Variants in TTC28 observed in about 807,000 individuals in gnomAD.
The protein encoded by TTC28 is tetratricopeptide repeat domain 28, also known as tetratricopeptide repeat protein 28.
A neutral mutation model predicts 198.0 loss-of-function variants in TTC28; 61 were observed. That is an observed-to-expected ratio of 0.31 (90% confidence interval 0.25 to 0.38). The LOEUF (loss-of-function observed/expected upper bound fraction) is 0.38, where lower values mean the gene tolerates loss of function less well. Ranked by LOEUF, TTC28 falls within the 10% of genes least tolerant of loss-of-function variation. TTC28 has a pLI of 1.00. For missense variants in TTC28, 2,678 were observed against 3,164.0 expected, an observed-to-expected ratio of 0.85 and a Z score of 3.69; for synonymous variants, 1,171 against 1,297.8, an observed-to-expected ratio of 0.90 and a Z score of 2.10.
intron 2 of TTC28, among the ~76,000 whole-genome samples, chr22:28,469,694 G>C (rs960999368): frequency 6.6e-6 from 1 of 152,102 alleles, no homozygotes; most frequent in Admixed American, 6.5e-5. Context: ...GAAAAGGCAA[G>C]GAAACACATT....
chr22:28,099,680 T>G (rs115128127), intron 9 of TTC28, among the ~76,000 whole-genome samples: 1 of 152,184 alleles, frequency 6.6e-6, no homozygotes, highest in Non-Finnish European at 1.5e-5. Flanking sequence ...TTAAAGATAT[T>G]AAAACAGATA....
At chr22:28,477,146 G>A (rs1035142808) in intron 2 of TTC28, among the ~76,000 whole-genome samples, 1 of 152,156 alleles carries the variant, frequency 6.6e-6, no homozygotes, top group Non-Finnish European at 1.5e-5. Flanking sequence ...GGGACATGAA[G>A]GCACTTTATA....
intron 5 of TTC28, among the ~76,000 whole-genome samples, chr22:28,239,051 C>A (rs941813364): frequency 1.3e-5 from 2 of 152,160 alleles, no homozygotes; most frequent in Non-Finnish European, 2.9e-5. Flanking sequence ...TATTTCCCTT[C>A]TGTCAGGGAT....
In TTC28 at chr22:28,033,889, G is replaced by A. The variant is rs117395013; in HGVS notation, c.3933-3523C>T. On this transcript the variant is annotated intron_variant, in intron 12 of 22. Transcript: ENST00000397906. ...GATTACTCAAAGGAGGAACACTTCCGCCCTAAGAAGCTGCTAGATATGCAC... is the reference window on the plus strand; with the variant it reads ...GATTACTCAAAGGAGGAACACTTCCACCCTAAGAAGCTGCTAGATATGCAC... Among the ~76,000 whole-genome samples, 323 of 152,156 alleles carry A rather than the reference G, an allele frequency of 2.1e-3. 1 individual carries two copies. Among genetic ancestry groups the A allele is most frequent in the Admixed American group, 4.3e-3 (66 of 15,286 alleles).
chr22:28,439,966 G>C (rs1276953093), intron 2 of TTC28, among the ~76,000 whole-genome samples: 1 of 152,110 alleles, frequency 6.6e-6, no homozygotes, highest in East Asian at 1.9e-4. Flanking sequence ...CTCCTGAGTA[G>C]CTGGGATTAC....
intron 2 of TTC28, among the ~76,000 whole-genome samples, chr22:28,558,129 T>C (rs1004547783): frequency 1.3e-5 from 2 of 152,236 alleles, no homozygotes; most frequent in South Asian, 4.1e-4. Context: ...GAAAGGTTCC[T>C]ATAACCTAAC....
chr22:28,441,248 C>T (rs1601402126), intron 2 of TTC28, among the ~76,000 whole-genome samples: 1 of 152,294 alleles, frequency 6.6e-6, no homozygotes, highest in Admixed American at 6.5e-5. Flanking sequence ...AAAAAGCAGA[C>T]GTTTATGAAT....
At chr22:28,137,181 A>C (rs1943219288) in intron 6 of TTC28, among the ~76,000 whole-genome samples, 1 of 152,130 alleles carries the variant, frequency 6.6e-6, no homozygotes, top group Admixed American at 6.5e-5. Context: ...TCCATGGCAC[A>C]ATTCCCTGAT....
intron 2 of TTC28, among the ~76,000 whole-genome samples, chr22:28,339,977 G>A (rs754902259): frequency 1.4e-4 from 21 of 152,114 alleles, no homozygotes; most frequent in Non-Finnish European, 1.5e-4. Context: ...CGTCTTCTGC[G>A]TCGCCTACGC....
rs1198112598 is a variant in TTC28 at position 28,030,222 on chromosome 22, T to C, written c.4073+4A>G. On this transcript the variant is annotated splice_donor_region_variant and intron_variant, in intron 13 of 22. Coordinates refer to ENST00000397906, the MANE Select transcript of TTC28 (RefSeq NM_001145418.2). ...TGGGCCTGGGGAAAGCGCCCCACACTCACCTGTTAAACAGGTTATTGCGGC... is the reference window on the plus strand; with the variant it reads ...TGGGCCTGGGGAAAGCGCCCCACACCCACCTGTTAAACAGGTTATTGCGGC... The C allele has an allele frequency of 6.4e-7, 1 of 1,551,622 alleles. No homozygotes were observed. Among genetic ancestry groups the C allele is most frequent in the Non-Finnish European group, 8.7e-7 (1 of 1,146,988 alleles).
At chr22:28,006,578 CTA>C (rs1937937430) in intron 14 of TTC28, 1 of 152,314 alleles carries the variant, frequency 6.6e-6, no homozygotes, top group Non-Finnish European at 1.5e-5. Flanking sequence ...AACCCAGAGA[CTA>C]TGAGAGACAG....
chr22:28,221,921 T>C (rs1045083557), intron 5 of TTC28, among the ~76,000 whole-genome samples: 2 of 152,186 alleles, frequency 1.3e-5, no homozygotes, highest in African/African-American at 4.8e-5. Context: ...CAACTTTGTA[T>C]CCTTTGAACC....
chr22:28,657,001 TTTA>T (rs1209037846), intron 1 of TTC28, among the ~76,000 whole-genome samples: 1 of 152,228 alleles, frequency 6.6e-6, no homozygotes, highest in Non-Finnish European at 1.5e-5. Flanking sequence ...TGCCTGATAC[TTTA>T]TTATGCTACA....
chr22:28,606,026 A>C (rs536742629), intron 2 of TTC28, among the ~76,000 whole-genome samples: 1 of 152,226 alleles, frequency 6.6e-6, no homozygotes, highest in East Asian at 1.9e-4. Context: ...TCCTTCTATA[A>C]TGTATACATA....
chr22:28,378,690 T>G (rs1033771878), intron 2 of TTC28, among the ~76,000 whole-genome samples: 1 of 150,932 alleles, frequency 6.6e-6, no homozygotes, highest in Admixed American at 6.6e-5. Context: ...GAGAATAGGA[T>G]TAATAGCAAA....
intron 5 of TTC28, among the ~76,000 whole-genome samples, chr22:28,276,953 T>C (rs1168595813): frequency 1.3e-5 from 2 of 152,212 alleles, no homozygotes; most frequent in Admixed American, 6.5e-5. Context: ...TTTTAGCTCC[T>C]TGATTTGCCT....
intron 5 of TTC28, among the ~76,000 whole-genome samples, chr22:28,219,547 C>T (rs1162832421): frequency 6.6e-6 from 1 of 151,604 alleles, no homozygotes; most frequent in Non-Finnish European, 1.5e-5. Flanking sequence ...CATAGACCTA[C>T]TGTGGAGAAG....
At position 27,998,758 on chromosome 22, in the gene TTC28, G is replaced by C; in HGVS notation, c.4901C>G (p.Thr1634Arg). The C allele has an allele frequency of 6.4e-7, 1 of 1,550,762 alleles. No individual in the cohort carries two copies. The highest frequency in any genetic ancestry group is 8.7e-7 in the Non-Finnish European group (1 of 1,147,002). The change falls in exon 16 of 23, where the codon ACA (threonine) becomes AGA (arginine). Residue 1634 changes from threonine (T) to arginine (R), a missense_variant. Transcript: ENST00000397906. ...GSSQESNSKV[T>R]ADGVIALTRA... ...TGTCAGCGCGATGACCCCGTCGGCT[G>C]TGACTTTGCTGTTGGACTCCTGGGA...
At chr22:28,151,459 C>T (rs139824351) in intron 6 of TTC28, among the ~76,000 whole-genome samples, 102 of 152,308 alleles carry the variant, frequency 6.7e-4, no homozygotes, top group African/African-American at 2.2e-3. Flanking sequence ...TTTACTGCCC[C>T]GTCTTCCTCT....
Sources: allele counts gnomAD v4.1 joint callset (sites outside exome capture counted in the v4.1 genomes callset), GRCh38; gene constraint gnomAD v4.1.1; transcripts MANE v1.5; gene names NCBI Gene and HGNC (gene_info 2026-07-23, HGNC 2026-07-21).